Variants in RPRD2 observed in about 807,000 individuals in gnomAD.
RPRD2 encodes the protein regulation of nuclear pre-mRNA domain containing 2.
A neutral mutation model predicts 104.4 loss-of-function variants in RPRD2; 12 were observed. The observed-to-expected ratio is 0.11, with a 90% CI of 0.07 to 0.19. The LOEUF (loss-of-function observed/expected upper bound fraction) is 0.19. RPRD2 is among the 10% of genes least tolerant of loss of function. RPRD2 has a pLI of 1.00. For missense variants in RPRD2, 1,543 were observed against 1,790.1 expected, an observed-to-expected ratio of 0.86 and a Z score of 2.49; for synonymous variants, 714 against 684.9, an observed-to-expected ratio of 1.04 and a Z score of -0.66.
intron 1 of RPRD2, among the ~76,000 whole-genome samples, chr1:150,370,670 G>T (rs1305272622): frequency 6.7e-6 from 1 of 149,596 alleles, no homozygotes; most frequent in Non-Finnish European, 1.5e-5. Flanking sequence ...TGCCCCCTGG[G>T]TTCAAGTGAT....
intron 2 of RPRD2, among the ~76,000 whole-genome samples, chr1:150,440,714 T>G (rs1038728587): frequency 2.0e-5 from 3 of 152,168 alleles, no homozygotes; most frequent in Non-Finnish European, 2.9e-5. Context: ...TTTACAAAAG[T>G]GTTGAATTGG....
chr1:150,471,445 T>G lies in RPRD2; in HGVS notation c.2497T>G (p.Tyr833Asp), dbSNP rs1668581015. ...TACTTCTTTCCAAGAAGATGAGGAT[T>G]ACCGAGATTTTGAGTATTCAGGGCC... ...PDTSFQEDEDYRDFEYSGPPP... is the reference protein window; with the variant it reads ...PDTSFQEDEDDRDFEYSGPPP... The change falls in exon 11 of 11, where the codon TAC (tyrosine) becomes GAC (aspartate). Residue 833 changes from tyrosine (Y) to aspartate (D), a missense_variant. Tyr to Asp is a radical substitution (Grantham distance 160). Coordinates refer to ENST00000369068, the MANE Select transcript of RPRD2 (RefSeq NM_015203.5). This position sits in a 1 kb window ranked among gnomAD's most constrained non-coding sequence, Gnocchi z 5.3. 1 of 1,613,832 alleles carries G rather than the reference T, an allele frequency of 6.2e-7. No individual in the cohort carries two copies. Among genetic ancestry groups the G allele is most frequent in the African/African-American group, 1.3e-5 (1 of 74,906 alleles).
At chr1:150,448,869 T>G (rs1327966313) in intron 7 of RPRD2, among the ~76,000 whole-genome samples, 1 of 152,200 alleles carries the variant, frequency 6.6e-6, no homozygotes, top group East Asian at 1.9e-4. Flanking sequence ...CCAGATTCCA[T>G]GTCTTTTTTT....
chr1:150,401,544 C>G lies in RPRD2; in HGVS notation c.206-16052C>G, dbSNP rs189633621. On this transcript the variant is annotated intron_variant, in intron 1 of 10. Coordinates refer to ENST00000369068, the MANE Select transcript of RPRD2 (RefSeq NM_015203.5). The stretch of plus-strand genomic sequence containing the variant: ...CCAGGTTGGAGTGTAGTGGCATGAT[C>G]GTAGCTCACTGCAGCCTTGACCTCC... Among the ~76,000 whole-genome samples, 81 of 152,166 alleles carry G rather than the reference C, an allele frequency of 5.3e-4. No homozygotes were observed. In the East Asian group the frequency reaches 0.015, roughly 29 times the overall value.
intron 1 of RPRD2, among the ~76,000 whole-genome samples, chr1:150,390,884 G>A (rs1662012384): frequency 2.0e-5 from 3 of 152,030 alleles, no homozygotes; most frequent in Non-Finnish European, 1.5e-5. Context: ...TGAAATATGT[G>A]AATATATATA....
At chr1:150,421,227 C>T (rs1664734797) in intron 2 of RPRD2, among the ~76,000 whole-genome samples, 1 of 152,052 alleles carries the variant, frequency 6.6e-6, no homozygotes, top group African/African-American at 2.4e-5. Flanking sequence ...ATGCCAGCAG[C>T]AACTTATTTT....
rs587706123 is a variant in RPRD2, at chr1:150,428,889, G to A, written c.335+11164G>A. On this transcript the variant is annotated intron_variant, in intron 2 of 10. Coordinates refer to ENST00000369068, the MANE Select transcript of RPRD2 (RefSeq NM_015203.5). ...TAGTACCTTCCTGTTATAAGAGTAA[G>A]GGGGGGTGTCATTAGCAAAGAAAGC... Among the ~76,000 whole-genome samples, 3 of 152,112 alleles carry A rather than the reference G, an allele frequency of 2.0e-5. No homozygotes were observed. In the East Asian group the frequency reaches 5.8e-4, roughly 29 times the overall value.
intron 9 of RPRD2, 89 bp downstream of exon 9, chr1:150,460,406 T>C: frequency 7.9e-7 from 1 of 1,272,370 alleles, no homozygotes; most frequent in African/African-American, 1.5e-5. Context: ...TTGTTGTTGT[T>C]GTTGTTGTTG....
At chr1:150,424,858 T>C (rs1387140553) in intron 2 of RPRD2, among the ~76,000 whole-genome samples, 5 of 152,186 alleles carry the variant, frequency 3.3e-5, no homozygotes, top group Non-Finnish European at 7.3e-5. Context: ...TAAAGTTTCT[T>C]CCTCCTTTTC....
At chr1:150,369,710 G>A (rs1399357162) in intron 1 of RPRD2, among the ~76,000 whole-genome samples, 1 of 146,510 alleles carries the variant, frequency 6.8e-6, no homozygotes, top group Non-Finnish European at 1.5e-5. Context: ...GCCCGCCTCA[G>A]CCTCCCAAAG....
chr1:150,411,836 A>C (rs1663954131), intron 1 of RPRD2, among the ~76,000 whole-genome samples: 1 of 149,252 alleles, frequency 6.7e-6, no homozygotes, highest in African/African-American at 2.5e-5. Flanking sequence ...CAAAAGAAGA[A>C]GGCAGTAGGC....
chr1:150,467,729 G>A (rs1029235247), intron 10 of RPRD2, among the ~76,000 whole-genome samples: 3 of 152,170 alleles, frequency 2.0e-5, no homozygotes. Flanking sequence ...CTTATGGAAT[G>A]TGGAATTCTC....
chr1:150,416,894 A>C (rs1268086712), intron 1 of RPRD2, among the ~76,000 whole-genome samples: 1 of 151,424 alleles, frequency 6.6e-6, no homozygotes, highest in South Asian at 2.1e-4. Flanking sequence ...AAAAAAAACA[A>C]AAAGAAGAAG....
At chr1:150,425,512 G>A (rs587643455) in intron 2 of RPRD2, among the ~76,000 whole-genome samples, 13 of 151,852 alleles carry the variant, frequency 8.6e-5, no homozygotes, top group African/African-American at 2.7e-4. Context: ...GCGTGGTGGC[G>A]CATACCTATA....
chr1:150,377,178 T>C (rs1199516439), intron 1 of RPRD2, among the ~76,000 whole-genome samples: 1 of 150,360 alleles, frequency 6.7e-6, no homozygotes, highest in Admixed American at 6.6e-5. Context: ...GCCACTACAC[T>C]CCAGCCTGGT....
At chr1:150,467,118 A>T (rs1032575217) in intron 10 of RPRD2, among the ~76,000 whole-genome samples, 2 of 152,214 alleles carry the variant, frequency 1.3e-5, no homozygotes, top group Non-Finnish European at 2.9e-5. Flanking sequence ...CCTGCTCTCT[A>T]TCAAAGGAGT....
At chr1:150,432,812 T>C (rs1553892166) in intron 2 of RPRD2, among the ~76,000 whole-genome samples, 1 of 151,782 alleles carries the variant, frequency 6.6e-6, no homozygotes, top group African/African-American at 2.4e-5. Context: ...ATTCCGTCTC[T>C]AAAAAAACAT....
intron 7 of RPRD2, among the ~76,000 whole-genome samples, chr1:150,454,800 A>G (rs1367811636): frequency 6.6e-6 from 1 of 152,128 alleles, no homozygotes; most frequent in African/African-American, 2.4e-5. Context: ...GTGAGCTCTG[A>G]TCGTGCCACT....
intron 1 of RPRD2, among the ~76,000 whole-genome samples, chr1:150,371,977 TTA>T (rs1660338818): frequency 1.3e-5 from 2 of 152,122 alleles, no homozygotes; most frequent in African/African-American, 2.4e-5. Context: ...AGGCATTTAT[TTA>T]TGTTTTTGAT....
Sources: allele counts gnomAD v4.1 joint callset (sites outside exome capture counted in the v4.1 genomes callset), GRCh38; gene constraint gnomAD v4.1.1; non-coding constraint Gnocchi (gnomAD v3.1); transcripts MANE v1.5; gene names NCBI Gene and HGNC (gene_info 2026-07-23, HGNC 2026-07-21).